The following CRISPLD2 variants were observed in gnomAD, a reference collection of about 807,000 sequenced individuals.
CRISPLD2 encodes the protein cysteine-rich secretory protein LCCL domain-containing 2.
In CRISPLD2, 47 loss-of-function variants were observed where a neutral mutation model predicts 71.1. That is an observed-to-expected ratio of 0.66 (90% CI 0.52 to 0.84). The LOEUF (loss-of-function observed/expected upper bound fraction) is 0.84. CRISPLD2 is among the 40% of genes least tolerant of loss of function. The probability of loss-of-function intolerance (pLI) is 0.00; values close to 1 mark genes in which losing one functional copy is unlikely to be tolerated. For missense variants in CRISPLD2, 830 were observed against 651.1 expected, an observed-to-expected ratio of 1.27 and a Z score of -2.99; for synonymous variants, 317 against 250.1, an observed-to-expected ratio of 1.27 and a Z score of -2.52.
chr16:84,883,980 A>G (rs1029685826), intron 13 of CRISPLD2, among the ~76,000 whole-genome samples: 2 of 151,234 alleles, frequency 1.3e-5, no homozygotes, highest in African/African-American at 4.9e-5. Context: ...AGTAGCTGGG[A>G]TTACAGGTGC....
At chr16:84,843,803 G>A (rs961810653) in intron 2 of CRISPLD2, among the ~76,000 whole-genome samples, 11 of 152,240 alleles carry the variant, frequency 7.2e-5, no homozygotes, top group African/African-American at 2.7e-4. Flanking sequence ...CCAGACAAGA[G>A]GGGGTTGTGA....
chr16:84,869,255 A>T (rs1212679188), intron 8 of CRISPLD2, among the ~76,000 whole-genome samples: 2 of 152,064 alleles, frequency 1.3e-5, no homozygotes, highest in African/African-American at 2.4e-5. Flanking sequence ...AAAAGAACGC[A>T]TTTGGTTTTG....
chr16:84,906,135 C>T lies in CRISPLD2; in HGVS notation c.1440-453C>T, dbSNP rs117213212. 8.0e-3 allele frequency among the ~76,000 whole-genome samples: 1,215 copies of T among 152,206 alleles called. 8 individuals carry two copies. Among genetic ancestry groups the T allele is most frequent in the Non-Finnish European group, 0.012 (784 of 67,994 alleles). Reference sequence around the variant, plus strand: ...ATTTCCTGGTGTCTCCGTTTCCTCCCCTGTGAACGAGCGATAACAGCTCCC... The same window carrying T: ...ATTTCCTGGTGTCTCCGTTTCCTCCTCTGTGAACGAGCGATAACAGCTCCC... On this transcript the variant is annotated intron_variant, in intron 14 of 14. Transcript: ENST00000262424.
chr16:84,875,216 G>A (rs1177510854), intron 11 of CRISPLD2, among the ~76,000 whole-genome samples: 4 of 151,872 alleles, frequency 2.6e-5, no homozygotes, highest in African/African-American at 9.7e-5. Context: ...ACTCCAGCCT[G>A]GGTGACAGAG....
intron 2 of CRISPLD2, among the ~76,000 whole-genome samples, chr16:84,843,705 A>G (rs1434016538): frequency 1.3e-5 from 2 of 152,202 alleles, no homozygotes; most frequent in Non-Finnish European, 2.9e-5. Context: ...AGCATGTTGC[A>G]TTAGCATATT....
chr16:84,874,232 A>C (rs756144601), intron 11 of CRISPLD2, among the ~76,000 whole-genome samples: 1 of 152,194 alleles, frequency 6.6e-6, no homozygotes, highest in Non-Finnish European at 1.5e-5. Flanking sequence ...CTGGGGCTAA[A>C]GTGGCTGAGA....
At chr16:84,863,554 G>C (rs1917447521) in intron 6 of CRISPLD2, among the ~76,000 whole-genome samples, 1 of 152,224 alleles carries the variant, frequency 6.6e-6, no homozygotes, top group Non-Finnish European at 1.5e-5. Context: ...TTGACACCCA[G>C]CCCAGGTACT....
rs1028983827 is a variant in CRISPLD2, at chr16:84,831,466, G to A, written c.-74-6956G>A. The stretch of plus-strand genomic sequence containing the variant: ...CGCCCAGGCTGGAAAGCAGTAGCAC[G>A]ATCTACAGTCTGCATCTCCCAGGCT... On this transcript the variant is annotated intron_variant, in intron 1 of 14. Coordinates refer to ENST00000262424, the MANE Select transcript of CRISPLD2 (RefSeq NM_031476.4). 3.3e-5 allele frequency among the ~76,000 whole-genome samples: 5 copies of A among 151,968 alleles called. No individual in the cohort carries two copies. In the South Asian group the frequency reaches 6.2e-4, roughly 19 times the overall value.
intron 6 of CRISPLD2, chr16:84,862,868 T>C (rs1917424932): frequency 6.6e-6 from 1 of 152,172 alleles, no homozygotes; most frequent in Non-Finnish European, 1.5e-5. Flanking sequence ...AGGTCCTCTG[T>C]TGTCCCAGCC....
chr16:84,899,386 G>C (rs1358456124), intron 14 of CRISPLD2, among the ~76,000 whole-genome samples: 5 of 152,150 alleles, frequency 3.3e-5, no homozygotes, highest in Non-Finnish European at 7.3e-5. Flanking sequence ...GGGAAAGAAG[G>C]GCGGGAAGGG....
At chr16:84,851,842 C>T (rs1300742818) in intron 5 of CRISPLD2, among the ~76,000 whole-genome samples, 2 of 152,198 alleles carry the variant, frequency 1.3e-5, no homozygotes, top group African/African-American at 4.8e-5. Flanking sequence ...CCCCCTGCTT[C>T]CTTAAAAGAA....
At chr16:84,846,766 G>A (rs796864329) in intron 3 of CRISPLD2, among the ~76,000 whole-genome samples, 12 of 152,242 alleles carry the variant, frequency 7.9e-5, no homozygotes, top group African/African-American at 2.9e-4. Context: ...GACCCCCGAG[G>A]CTTCCCTGTC....
chr16:84,845,966 C>T, intron 3 of CRISPLD2, 62 bp downstream of exon 3: 1 of 1,038,048 alleles, frequency 9.6e-7, no homozygotes, highest in Non-Finnish European at 1.5e-6. Context: ...CCGGGCTCAG[C>T]ACTTGTGCCC....
At chr16:84,857,276 T>C (rs893078584) in intron 6 of CRISPLD2, among the ~76,000 whole-genome samples, 2 of 152,200 alleles carry the variant, frequency 1.3e-5, no homozygotes, top group African/African-American at 4.8e-5. Context: ...AGGAAAGAGA[T>C]TGAGTGGTGT....
chr16:84,906,425 A>G (rs898869641), intron 14 of CRISPLD2, among the ~76,000 whole-genome samples, 163 bp from the exon 15 acceptor site: 2 of 152,188 alleles, frequency 1.3e-5, no homozygotes, highest in African/African-American at 4.8e-5. Context: ...TCTCAACTCA[A>G]GGCAGGCTCT....
At chr16:84,862,937 T>G (rs555114215) in intron 6 of CRISPLD2, 1 of 152,352 alleles carries the variant, frequency 6.6e-6, no homozygotes, top group East Asian at 1.9e-4. Context: ...GGGATGGGGA[T>G]GGAAGAAGGA....
chr16:84,842,659 C>A (rs1916806681), intron 2 of CRISPLD2, among the ~76,000 whole-genome samples: 1 of 152,124 alleles, frequency 6.6e-6, no homozygotes, highest in Non-Finnish European at 1.5e-5. Context: ...CAGGCATGAA[C>A]CACTGTGCCC....
At position 84,849,529 on chromosome 16, in the gene CRISPLD2, A is replaced by C; in HGVS notation, c.492+12A>C. ...CGCACTACACACAGGTAACTCGGGG[A>C]CTTGCCACGACCTCAGCCCTGCCCC... On this transcript the variant is annotated intron_variant, in intron 4 of 14. Transcript: ENST00000262424. 3 of 1,612,698 alleles carry C rather than the reference A, an allele frequency of 1.9e-6. No homozygotes were observed. The South Asian group carries it at 3.3e-5, about 18-fold the overall frequency.
At chr16:84,904,079 T>A (rs2071779636) in intron 14 of CRISPLD2, among the ~76,000 whole-genome samples, 1 of 152,180 alleles carries the variant, frequency 6.6e-6, no homozygotes. Context: ...AGTTATCATC[T>A]GGGGCAGAAA....
Sources: allele counts gnomAD v4.1 joint callset (sites outside exome capture counted in the v4.1 genomes callset), GRCh38; gene constraint gnomAD v4.1.1; transcripts MANE v1.5; gene names NCBI Gene and HGNC (gene_info 2026-07-23, HGNC 2026-07-21).